XKR6: variants seen among roughly 807,000 people sequenced by gnomAD.
XKR6 encodes the protein XK-related protein 6.
A neutral mutation model predicts 56.7 loss-of-function variants in XKR6; 22 were observed. That is an observed-to-expected ratio of 0.39 (90% CI 0.28 to 0.55). XKR6 has a LOEUF of 0.55. Among genes scored for constraint, XKR6 ranks in the 20% least tolerant of loss-of-function variants. XKR6 has a pLI of 0.66. For synonymous variants in XKR6, 524 were observed against 387.8 expected (o/e 1.35, Z -4.13); for missense variants, 852 against 889.0 (o/e 0.96, Z 0.53).
intron 1 of XKR6, among the ~76,000 whole-genome samples, chr8:11,166,327 G>A (rs1340845062): frequency 6.6e-6 from 1 of 152,048 alleles, no homozygotes; most frequent in Admixed American, 6.6e-5. Flanking sequence ...CCAAAATGTG[G>A]CCTCAAGGTG....
chr8:10,913,400 GCCTTGCC>G (rs1317152219), intron 2 of XKR6, among the ~76,000 whole-genome samples: 1 of 152,014 alleles, frequency 6.6e-6, no homozygotes, highest in Non-Finnish European at 1.5e-5. Flanking sequence ...GTTAACCGTT[GCCTTGCC>G]CCTTAGCCAG....
intron 1 of XKR6, among the ~76,000 whole-genome samples, chr8:11,125,125 G>C (rs907495911): frequency 1.8e-4 from 26 of 146,146 alleles, no homozygotes; most frequent in Non-Finnish European, 3.5e-4. Context: ...GAAAAAAAAA[G>C]TATTGATGCC....
intron 1 of XKR6, among the ~76,000 whole-genome samples, chr8:11,039,566 A>G (rs1262460985): frequency 1.3e-5 from 2 of 152,218 alleles, no homozygotes; most frequent in African/African-American, 4.8e-5. Flanking sequence ...AGAACTTGGA[A>G]CAGAGACAAC....
intron 1 of XKR6, among the ~76,000 whole-genome samples, chr8:11,035,718 T>A (rs1372558290): frequency 6.6e-6 from 1 of 152,168 alleles, no homozygotes; most frequent in Non-Finnish European, 1.5e-5. Context: ...TCACACATTT[T>A]CAGATCCATC....
chr8:11,031,714 C>A (rs887279132), intron 1 of XKR6, among the ~76,000 whole-genome samples: 22 of 152,330 alleles, frequency 1.4e-4, no homozygotes, highest in Non-Finnish European at 2.9e-4. Context: ...TGCTAGAAAG[C>A]CCAAGTGCCA....
chr8:11,022,929 C>T (rs541749042), intron 1 of XKR6, among the ~76,000 whole-genome samples: 8 of 152,308 alleles, frequency 5.3e-5, no homozygotes, highest in South Asian at 4.1e-4. Context: ...AACTCAAGGC[C>T]GTGACCCACA....
chr8:11,066,841 G>T (rs1248779934), intron 1 of XKR6: 1 of 152,192 alleles, frequency 6.6e-6, no homozygotes, highest in Non-Finnish European at 1.5e-5. Context: ...GAACAGTCGA[G>T]AGGCCCACCT....
chr8:10,995,499 T>TAA (rs1257218602), intron 1 of XKR6, among the ~76,000 whole-genome samples: 2 of 140,384 alleles, frequency 1.4e-5, no homozygotes, highest in African/African-American at 2.7e-5. Context: ...TATATATATA[T>TAA]ACACACACAC....
rs1233311653 is a variant in XKR6 at position 10,916,446 on chromosome 8, G to A, written c.961+8188C>T. Among the ~76,000 whole-genome samples the A allele has an allele frequency of 2.6e-5, 4 of 152,314 alleles. No individual in the cohort carries two copies. The East Asian group carries it at 7.7e-4, about 29-fold the overall frequency. The stretch of plus-strand genomic sequence containing the variant: ...GCTAATGTCCCATATGAACAGGACT[G>A]GAAAGAGACAAGAAAGTATTTTCAC... On this transcript the variant is annotated intron_variant, in intron 2 of 2. Transcript: ENST00000416569.
At chr8:11,111,131 G>A (rs905404468) in intron 1 of XKR6, among the ~76,000 whole-genome samples, 3 of 151,516 alleles carry the variant, frequency 2.0e-5, no homozygotes, top group African/African-American at 7.3e-5. Flanking sequence ...TGGCATTACA[G>A]GCGTGAGCCA....
At chr8:11,197,239 A>G (rs1027113776) in intron 1 of XKR6, among the ~76,000 whole-genome samples, 1 of 152,220 alleles carries the variant, frequency 6.6e-6, no homozygotes, top group Non-Finnish European at 1.5e-5. Context: ...ACACACATAA[A>G]ACTACATCCA....
intron 1 of XKR6, among the ~76,000 whole-genome samples, chr8:11,196,021 A>ACT (rs986378233): frequency 2.6e-5 from 4 of 151,304 alleles, no homozygotes; most frequent in African/African-American, 9.7e-5. Flanking sequence ...TATAAAGTAC[A>ACT]CTCTCTCTCT....
At chr8:10,936,824 GC>G (rs1801215184) in intron 1 of XKR6, among the ~76,000 whole-genome samples, 1 of 27,252 alleles carries the variant, frequency 3.7e-5, no homozygotes, top group Non-Finnish European at 6.9e-5. Flanking sequence ...CTCTCTGGCT[GC>G]CCTTAACATT....
chr8:11,040,168 C>T (rs962304218), intron 1 of XKR6, among the ~76,000 whole-genome samples: 4 of 151,990 alleles, frequency 2.6e-5, no homozygotes, highest in African/African-American at 7.3e-5. Flanking sequence ...ATAAGGTCCA[C>T]GATGCCCTAC....
At chr8:11,024,262 T>G (rs1798814172) in intron 1 of XKR6, among the ~76,000 whole-genome samples, 1 of 147,152 alleles carries the variant, frequency 6.8e-6, no homozygotes. Flanking sequence ...TGATTCTCCA[T>G]CCAAGTGTTT....
At chr8:10,980,436 A>C (rs779862156) in intron 1 of XKR6, among the ~76,000 whole-genome samples, 1 of 152,214 alleles carries the variant, frequency 6.6e-6, no homozygotes, top group Non-Finnish European at 1.5e-5. Context: ...TAAGTAGGAA[A>C]GGCCACTCAG....
intron 1 of XKR6, among the ~76,000 whole-genome samples, chr8:10,955,228 C>A (rs1043761911): frequency 2.6e-5 from 4 of 151,962 alleles, no homozygotes; most frequent in African/African-American, 7.3e-5. Context: ...GCAAGAACAG[C>A]CTACAATGAT....
intron 1 of XKR6, among the ~76,000 whole-genome samples, chr8:11,036,630 G>C (rs574957606): frequency 1.7e-3 from 252 of 152,346 alleles, no homozygotes; most frequent in African/African-American, 5.7e-3. Context: ...TGCATGCTAA[G>C]ATCTGAACAA....
chr8:10,968,119 G>C (rs1316096017), intron 1 of XKR6, among the ~76,000 whole-genome samples: 3 of 152,152 alleles, frequency 2.0e-5, no homozygotes, highest in Non-Finnish European at 1.5e-5. Context: ...TGTCCCCCTG[G>C]ATCCTGGAGC....
Sources: allele counts gnomAD v4.1 joint callset (sites outside exome capture counted in the v4.1 genomes callset), GRCh38; gene constraint gnomAD v4.1.1; transcripts MANE v1.5; gene names NCBI Gene and HGNC (gene_info 2026-07-23, HGNC 2026-07-21).